SPTLC2: variants seen among roughly 807,000 people sequenced by gnomAD.
SPTLC2 encodes serine palmitoyltransferase long chain base subunit 2, also known as serine palmitoyltransferase 2.
A neutral mutation model predicts 62.0 loss-of-function variants in SPTLC2; 21 were observed. That is an observed-to-expected ratio of 0.34 (90% CI 0.24 to 0.49). SPTLC2 has a LOEUF of 0.49. Among genes scored for constraint, SPTLC2 ranks in the 20% least tolerant of loss-of-function variants. The pLI is 0.99. For missense variants in SPTLC2, 511 were observed against 713.0 expected (o/e 0.72, Z 3.23); for synonymous variants, 261 against 261.8 (o/e 1.00, Z 0.03).
chr14:77,605,113 G>A (rs2079898365), intron 1 of SPTLC2, among the ~76,000 whole-genome samples: 1 of 151,976 alleles, frequency 6.6e-6, no homozygotes, highest in Non-Finnish European at 1.5e-5. Flanking sequence ...CTGGGCTCAT[G>A]TAATCCTCTC....
chr14:77,559,756 T>C (rs946928297), intron 6 of SPTLC2, among the ~76,000 whole-genome samples: 1 of 151,810 alleles, frequency 6.6e-6, no homozygotes, highest in African/African-American at 2.4e-5. Context: ...TCCGGCATGG[T>C]GGTGGATGCC....
At chr14:77,573,788 C>T (rs555076438) in intron 4 of SPTLC2, among the ~76,000 whole-genome samples, 10 of 152,192 alleles carry the variant, frequency 6.6e-5, no homozygotes, top group East Asian at 1.9e-4. Flanking sequence ...CCTTCCATCA[C>T]GCCCAGCTAA....
Position 77,508,809 on chromosome 14 carries a change from T to C in SPTLC2, c.*3475A>G, listed in dbSNP as rs1296106451. The C allele has an allele frequency of 3.9e-5, 6 of 152,120 alleles. No homozygotes were observed. Among genetic ancestry groups the C allele is most frequent in the Non-Finnish European group, 5.9e-5 (4 of 68,018 alleles). 9.4% of individuals were successfully genotyped at this position (152,120 alleles called of 1,614,324 possible). On this transcript the variant is annotated 3_prime_UTR_variant, in exon 12 of 12. Coordinates refer to ENST00000216484, the MANE Select transcript of SPTLC2 (RefSeq NM_004863.4). ...CTTAAGCCCCTAATGAAAAGCCTCCTCCTGAAATGTAAGGCTAAGTGTACA... is the reference window on the plus strand; with the variant it reads ...CTTAAGCCCCTAATGAAAAGCCTCCCCCTGAAATGTAAGGCTAAGTGTACA...
intron 1 of SPTLC2, among the ~76,000 whole-genome samples, chr14:77,609,636 C>G (rs567916373): frequency 6.6e-6 from 1 of 152,078 alleles, no homozygotes; most frequent in East Asian, 1.9e-4. Context: ...ACTCGGAAGG[C>G]GGAGGCAGGA....
At chr14:77,526,919 C>G (rs563164164) in intron 9 of SPTLC2, among the ~76,000 whole-genome samples, 1 of 150,460 alleles carries the variant, frequency 6.6e-6, no homozygotes, top group Admixed American at 6.6e-5. Context: ...CTCAGACTCC[C>G]GAGTAGCTGG....
chr14:77,601,119 T>C (rs1317414679), intron 1 of SPTLC2, among the ~76,000 whole-genome samples: 2 of 152,200 alleles, frequency 1.3e-5, no homozygotes, highest in African/African-American at 4.8e-5. Context: ...GATTTTTCTT[T>C]TCTTGTTTTT....
At chr14:77,518,237 C>A in intron 10 of SPTLC2, 70 bp from the exon 11 acceptor site, 2 of 1,602,436 alleles carry the variant, frequency 1.2e-6, no homozygotes, top group Non-Finnish European at 1.7e-6. Context: ...GACCTGCTGT[C>A]CTCAAAGATT....
At chr14:77,608,316 T>C (rs2079915926) in intron 1 of SPTLC2, among the ~76,000 whole-genome samples, 1 of 152,236 alleles carries the variant, frequency 6.6e-6, no homozygotes, top group African/African-American at 2.4e-5. Flanking sequence ...ATCCATTTCT[T>C]ACTTATGTCT....
At chr14:77,521,991 T>A (rs1411343622) in intron 9 of SPTLC2, among the ~76,000 whole-genome samples, 1 of 152,150 alleles carries the variant, frequency 6.6e-6, no homozygotes, top group Non-Finnish European at 1.5e-5. Flanking sequence ...ACATTACAAG[T>A]AGCAAGTGGC....
At chr14:77,579,137 A>G in intron 2 of SPTLC2, 28 bp from the exon 3 acceptor site, 3 of 1,612,976 alleles carry the variant, frequency 1.9e-6, no homozygotes, top group Non-Finnish European at 2.5e-6. Flanking sequence ...CATACCATAA[A>G]TTTAACTGAG....
chr14:77,541,626 A>G (rs2079501033), intron 9 of SPTLC2, among the ~76,000 whole-genome samples: 2 of 152,222 alleles, frequency 1.3e-5, no homozygotes, highest in African/African-American at 2.4e-5. Context: ...AAAATGATCA[A>G]TGGTCACTTT....
intron 4 of SPTLC2, among the ~76,000 whole-genome samples, chr14:77,575,293 AT>A (rs1207043141): frequency 6.6e-6 from 1 of 152,054 alleles, no homozygotes; most frequent in East Asian, 1.9e-4. Context: ...GCACAATTTT[AT>A]TTTTTTCCCT....
At chr14:77,613,596 G>A (rs2079949410) in intron 1 of SPTLC2, among the ~76,000 whole-genome samples, 1 of 152,178 alleles carries the variant, frequency 6.6e-6, no homozygotes, top group Admixed American at 6.5e-5. Context: ...TTCAAGCACA[G>A]AAACATACTC....
rs2079727840 is a variant in SPTLC2, at chr14:77,578,221, G to C, written c.482+734C>G. Among the ~76,000 whole-genome samples the C allele has an allele frequency of 6.6e-5, 10 of 152,152 alleles. No homozygotes were observed. The South Asian group carries it at 1.9e-3, about 28-fold the overall frequency. ...AAGTTTTCCAAACTATTCAATCCAT[G>C]TAAGTAAAAACACTCTACATATCAT... On this transcript the variant is annotated intron_variant, in intron 3 of 11. Transcript: ENST00000216484.
chr14:77,530,891 T>C (rs2079434996), intron 9 of SPTLC2, among the ~76,000 whole-genome samples: 2 of 152,182 alleles, frequency 1.3e-5, no homozygotes, highest in South Asian at 4.1e-4. Flanking sequence ...GAGGAATAAG[T>C]GAGTAACTTT....
chr14:77,571,914 C>T (rs1165681777), intron 4 of SPTLC2, among the ~76,000 whole-genome samples: 1 of 152,050 alleles, frequency 6.6e-6, no homozygotes, highest in African/African-American at 2.4e-5. Flanking sequence ...CTTCAGCCTC[C>T]CAAGTAGCCG....
At chr14:77,521,852 T>C (rs2079386333) in intron 9 of SPTLC2, among the ~76,000 whole-genome samples, 1 of 152,186 alleles carries the variant, frequency 6.6e-6, no homozygotes, top group Admixed American at 6.5e-5. Context: ...ATTTCAGCCA[T>C]ACCCCCTCAC....
chr14:77,510,063 G>T lies in SPTLC2; in HGVS notation c.*2221C>A, dbSNP rs565285627. 7.6e-6 allele frequency: 3 copies of T among 397,282 alleles called. No individual in the cohort carries two copies. In the South Asian group the frequency reaches 4.0e-4, roughly 53 times the overall value. The allele number at this position is 397,282 out of a possible 1,614,324, so 24.6% of individuals were successfully genotyped here. ...CAAAAGCTATGTGGTATTCCAGTGG[G>T]ATTCTATGGTAGGAAACTAGATGTG... On this transcript the variant is annotated 3_prime_UTR_variant, in exon 12 of 12. Coordinates refer to ENST00000216484, the MANE Select transcript of SPTLC2 (RefSeq NM_004863.4).
intron 1 of SPTLC2, among the ~76,000 whole-genome samples, chr14:77,597,819 GAAAAA>G (rs571771933): frequency 2.3e-5 from 3 of 128,740 alleles, no homozygotes; most frequent in African/African-American, 9.0e-5. Context: ...CTGGAAACAA[GAAAAA>G]AAAAAAAAAG....
Sources: gnomAD v4.1 joint callset for allele counts (sites outside exome capture counted in the v4.1 genomes callset) on GRCh38, gnomAD v4.1.1 for gene constraint, MANE v1.5 for transcripts, NCBI Gene and HGNC (gene_info 2026-07-23, HGNC 2026-07-21) for gene names.